The following ZNF527 variants were observed in gnomAD, a reference collection of about 807,000 sequenced individuals.
ZNF527 encodes the protein zinc finger protein 527.
A neutral mutation model predicts 13.5 loss-of-function variants in ZNF527; 5 were observed. The observed-to-expected ratio is 0.37, with a 90% CI of 0.19 to 0.78. The LOEUF is 0.78. ZNF527 is among the 30% of genes least tolerant of loss of function. The probability of loss-of-function intolerance (pLI) is 0.48; values close to 1 mark genes in which losing one functional copy is unlikely to be tolerated. For missense variants in ZNF527, 628 were observed against 726.4 expected, an observed-to-expected ratio of 0.86 and a Z score of 1.56; for synonymous variants, 209 against 243.1, an observed-to-expected ratio of 0.86 and a Z score of 1.30.
chr19:37,389,549 C>A lies in ZNF527; in HGVS notation c.1500C>A (p.Cys500Ter). 2 of 1,614,044 alleles carry A rather than the reference C, an allele frequency of 1.2e-6. No homozygotes were observed. The highest frequency in any genetic ancestry group is 1.7e-6 in the Non-Finnish European group (2 of 1,180,010). ...RIHTGERPFE[C>*]SKCGKAFSDA... Reference sequence around the variant, plus strand: ...ACACTGGAGAGAGACCATTTGAATGCAGTAAATGTGGGAAAGCCTTCAGTG... The same window carrying A: ...ACACTGGAGAGAGACCATTTGAATGAAGTAAATGTGGGAAAGCCTTCAGTG... The change falls in exon 5 of 5, where the codon TGC becomes TGA. Residue 500 changes from cysteine to a stop codon, truncating the protein, a stop_gained. Transcript: ENST00000436120. LOFTEE classifies it low-confidence loss of function (END_TRUNC).
chr19:37,387,930 T>C (rs1396115221), intron 4 of ZNF527, among the ~76,000 whole-genome samples: 1 of 152,194 alleles, frequency 6.6e-6, no homozygotes, highest in Non-Finnish European at 1.5e-5. Context: ...TTCAGTCTTA[T>C]GAATACCAGT....
intron 4 of ZNF527, among the ~76,000 whole-genome samples, chr19:37,380,883 GT>G (rs759964094): frequency 6.6e-5 from 10 of 151,996 alleles, no homozygotes; most frequent in Non-Finnish European, 1.3e-4. Context: ...TTATTTTGGT[GT>G]TCCCTTCATG....
At chr19:37,385,648 A>G (rs1435719741) in intron 4 of ZNF527, 6 of 288,084 alleles carry the variant, frequency 2.1e-5, no homozygotes, top group Non-Finnish European at 1.3e-5. Flanking sequence ...GTTGAAACTG[A>G]TCTGATGTAA....
rs753785311 is a variant in ZNF527 at position 37,390,355 on chromosome 19, A to G, written c.*476A>G. On this transcript the variant is annotated 3_prime_UTR_variant, in exon 5 of 5. Transcript: ENST00000436120. ...CATCTGTTACTTTTTGATCTGTTCT[A>G]TACCTGGCTTAGCCCACCCTCAATG... The G allele has an allele frequency of 1.9e-5, 3 of 158,032 alleles. No individual in the cohort carries two copies. The highest frequency in any genetic ancestry group is 4.2e-5 in the Non-Finnish European group (3 of 71,648). The allele number at this position is 158,032 out of a possible 1,614,324, so 9.8% of individuals were successfully genotyped here.
intron 3 of ZNF527, 41 bp downstream of exon 3, chr19:37,379,287 G>T: frequency 6.5e-7 from 1 of 1,540,456 alleles, no homozygotes; most frequent in South Asian, 1.3e-5. Flanking sequence ...ATCTTCCTCT[G>T]GGGTGTTTTT....
At chr19:37,387,810 A>T (rs1026306585) in intron 4 of ZNF527, among the ~76,000 whole-genome samples, 1 of 152,202 alleles carries the variant, frequency 6.6e-6, no homozygotes, top group African/African-American at 2.4e-5. Flanking sequence ...TTGCTATGAG[A>T]TTAATCTGGC....
In ZNF527 at chr19:37,391,175, A is replaced by T. The variant is rs1600274599; in HGVS notation, c.*1296A>T. 6.6e-6 allele frequency: 1 copy of T among 152,316 alleles called. No homozygotes were observed. Among genetic ancestry groups the T allele is most frequent in the East Asian group, 1.9e-4 (1 of 5,192 alleles). 9.4% of individuals were successfully genotyped at this position (152,316 alleles called of 1,614,324 possible). A position where few individuals can be genotyped will look rare whatever the true frequency, so the allele number is the denominator to read the frequency against. On this transcript the variant is annotated 3_prime_UTR_variant, in exon 5 of 5. Coordinates refer to ENST00000436120, the MANE Select transcript of ZNF527 (RefSeq NM_032453.2). The stretch of plus-strand genomic sequence containing the variant: ...AATGAATGGCTCTTCATCTTCAAGG[A>T]ATTACTTGATTTTCTTCTTTCAGTA...
intron 2 of ZNF527, among the ~76,000 whole-genome samples, chr19:37,376,837 C>T (rs2040612813): frequency 6.6e-6 from 1 of 151,906 alleles, no homozygotes; most frequent in South Asian, 2.1e-4. Flanking sequence ...AAGTATATAC[C>T]AGATTTTGAA....
chr19:37,389,797 A>T lies in ZNF527; in HGVS notation c.1748A>T (p.Lys583Ile). ...ATTCACGCTGGAGAAAAACCTTATA[A>T]ATGTAACGAATGTGGGAATAATTTT... ...QRIHAGEKPY[K>I]CNECGNNFSC... Residue 583 changes from lysine to isoleucine, a missense_variant, in exon 5 of 5, where the codon AAA becomes ATA. This residue lies in a region of ZNF527 where 592 missense variants were observed against 678.0 expected (regional missense o/e 0.87). Transcript: ENST00000436120. 1 of 1,613,400 alleles carries T rather than the reference A, an allele frequency of 6.2e-7. No homozygotes were observed. Among genetic ancestry groups the T allele is most frequent in the Non-Finnish European group, 8.5e-7 (1 of 1,180,000 alleles).
chr19:37,384,699 A>C (rs936709617), intron 4 of ZNF527, among the ~76,000 whole-genome samples: 1 of 152,144 alleles, frequency 6.6e-6, no homozygotes, highest in Non-Finnish European at 1.5e-5. Flanking sequence ...TATTGTCCTT[A>C]ATATTGTCTA....
intron 2 of ZNF527, among the ~76,000 whole-genome samples, chr19:37,376,603 G>A (rs1465932062): frequency 6.6e-6 from 1 of 151,256 alleles, no homozygotes; most frequent in African/African-American, 2.4e-5. Flanking sequence ...GAACCCAGGA[G>A]GTGGAGGTTG....
chr19:37,384,822 G>T, intron 4 of ZNF527: 1 of 640,682 alleles, frequency 1.6e-6, no homozygotes, highest in Non-Finnish European at 2.9e-6. Context: ...TTTCTCTTCT[G>T]TGAATTACCT....
At chr19:37,375,314 T>TTTCTTTCTTTCTTTCTTTC (rs1568691551) in intron 2 of ZNF527, among the ~76,000 whole-genome samples, 1 of 97,686 alleles carries the variant, frequency 1.0e-5, no homozygotes, top group African/African-American at 3.8e-5. Flanking sequence ...TTCTTTCTTT[T>TTTCTTTCTTTCTTTCTTTC]CTTTCTTTCT....
intron 2 of ZNF527, among the ~76,000 whole-genome samples, chr19:37,377,967 T>C (rs533544119): frequency 6.6e-6 from 1 of 152,022 alleles, no homozygotes; most frequent in Non-Finnish European, 1.5e-5. Context: ...TGTAAATTTT[T>C]CCCTAGACAC....
rs866359188 is a variant in ZNF527 at position 37,389,254 on chromosome 19, A to C, written c.1205A>C (p.Asn402Thr). The stretch of plus-strand genomic sequence containing the variant: ...GCCTTCAGACAGAGTGCTCACCTTA[A>C]TCAACATCAGAGGATTCACACTGGA... ...NKAFRQSAHL[N>T]QHQRIHTGEK... The change falls in exon 5 of 5, where the codon AAT becomes ACT. Residue 402 changes from asparagine to threonine, a missense_variant. Physicochemically the swap from Asn to Thr is moderately conservative, Grantham distance 65. Around this residue, in one of 3 missense-constraint regions of ZNF527, gnomAD observed 592 missense variants for 678.0 expected, o/e 0.87. Transcript: ENST00000436120. 6.2e-7 allele frequency: 1 copy of C among 1,614,082 alleles called. No individual in the cohort carries two copies. The highest frequency in any genetic ancestry group is 8.5e-7 in the Non-Finnish European group (1 of 1,179,996).
Position 37,388,297 on chromosome 19 carries a change from A to AT in ZNF527, c.257-4dup, listed in dbSNP as rs774948858. On this transcript the variant is annotated splice_polypyrimidine_tract_variant and intron_variant, in intron 4 of 4. Transcript: ENST00000436120. Reference sequence around the variant, plus strand: ...CAAAGGAGACATTTGCTTTCTTGATATTTTTCAGACTGGGAGTCTTGGTGT... The same window carrying AT: ...CAAAGGAGACATTTGCTTTCTTGATATTTTTTCAGACTGGGAGTCTTGGTGT... The AT allele has an allele frequency of 1.9e-6, 3 of 1,604,466 alleles. No homozygotes were observed. Among genetic ancestry groups the AT allele is most frequent in the East Asian group, 2.2e-5 (1 of 44,708 alleles).
Position 37,389,702 on chromosome 19 carries a change from G to A in ZNF527, c.1653G>A (p.Glu551=), listed in dbSNP as rs1416905882. The change falls in exon 5 of 5, where the codon GAG becomes GAA. Residue 551 remains glutamate (E), a synonymous_variant. Coordinates refer to ENST00000436120, the MANE Select transcript of ZNF527 (RefSeq NM_032453.2). ...AACATCAAAGAATTCATACTGGAGA[G>A]AAACCCTATGAATGTAGTGAATGTG... ...LNQHQRIHTG[E]KPYECSECGK... is the part of the protein sequence containing the mutation. 1 of 1,614,038 alleles carries A rather than the reference G, an allele frequency of 6.2e-7. No homozygotes were observed. Among genetic ancestry groups the A allele is most frequent in the Non-Finnish European group, 8.5e-7 (1 of 1,180,016 alleles).
At chr19:37,381,399 C>T (rs2040652768) in intron 4 of ZNF527, among the ~76,000 whole-genome samples, 3 of 152,182 alleles carry the variant, frequency 2.0e-5, no homozygotes, top group Admixed American at 2.0e-4. Flanking sequence ...ATTATATTTG[C>T]ATGCACTCAA....
chr19:37,377,138 A>G (rs1450128045), intron 2 of ZNF527, among the ~76,000 whole-genome samples: 3 of 152,118 alleles, frequency 2.0e-5, no homozygotes, highest in African/African-American at 7.2e-5. Context: ...TTATTTATCT[A>G]TGTATTTATT....
Sources: allele counts gnomAD v4.1 joint callset (sites outside exome capture counted in the v4.1 genomes callset), GRCh38; gene constraint gnomAD v4.1.1; regional missense constraint gnomAD v4.1.1; transcripts MANE v1.5; gene names NCBI Gene and HGNC (gene_info 2026-07-23, HGNC 2026-07-21).